Variants in CNTNAP2 observed in about 807,000 individuals in gnomAD.
The protein encoded by CNTNAP2 is contactin-associated protein-like 2.
CNTNAP2 carries 98 observed loss-of-function variants against 155.2 expected under a neutral mutation model. The observed-to-expected ratio is 0.63, with a 90% CI of 0.54 to 0.75. The LOEUF (loss-of-function observed/expected upper bound fraction) is 0.75, where lower values mean the gene tolerates loss of function less well. Ranked by LOEUF, CNTNAP2 falls within the 30% of genes least tolerant of loss-of-function variation. The pLI, the probability that CNTNAP2 is intolerant of heterozygous loss-of-function variation, is 0.00. For synonymous variants in CNTNAP2, 651 were observed against 631.2 expected (o/e 1.03, Z -0.47); for missense variants, 1,727 against 1,688.1 (o/e 1.02, Z -0.40).
intron 13 of CNTNAP2, among the ~76,000 whole-genome samples, chr7:147,832,064 G>A (rs1783796095): frequency 6.7e-6 from 1 of 149,838 alleles, no homozygotes; most frequent in Admixed American, 6.7e-5. Context: ...ATCTCTTGAT[G>A]GCATAGAAAT....
At chr7:147,460,810 G>C (rs898235854) in intron 10 of CNTNAP2, among the ~76,000 whole-genome samples, 3 of 152,230 alleles carry the variant, frequency 2.0e-5, no homozygotes, top group African/African-American at 7.2e-5. Flanking sequence ...TGATGCAGCT[G>C]TCAGTGACAT....
At position 147,544,563 on chromosome 7, in the gene CNTNAP2, C is replaced by T. The variant is rs766592925; in HGVS notation, c.1778-17575C>T. ...TAAAAAAAAAATGCAAGTCCTCTTT[C>T]CAGGGCCACAGCATGACTTTCATGG... On this transcript the variant is annotated intron_variant, in intron 11 of 23. Coordinates refer to ENST00000361727, the MANE Select transcript of CNTNAP2 (RefSeq NM_014141.6). 3.2e-4 allele frequency among the ~76,000 whole-genome samples: 49 copies of T among 152,192 alleles called. 1 individual carries two copies. The highest frequency in any genetic ancestry group is 2.7e-3 in the Admixed American group (41 of 15,276).
At chr7:148,281,835 C>T (rs1443080995) in intron 21 of CNTNAP2, among the ~76,000 whole-genome samples, 7 of 123,472 alleles carry the variant, frequency 5.7e-5, no homozygotes, top group Admixed American at 9.5e-5. Context: ...ACAACGTTTC[C>T]TTTTTTTTTT....
At chr7:147,579,131 G>A (rs1482319997) in intron 12 of CNTNAP2, among the ~76,000 whole-genome samples, 1 of 151,994 alleles carries the variant, frequency 6.6e-6, no homozygotes, top group Non-Finnish European at 1.5e-5. Context: ...TAAATGTAAT[G>A]AACTGTGTGG....
rs145155031 is a variant in CNTNAP2 at position 148,358,898 on chromosome 7, C to T, written c.3476-24751C>T. 2.0e-3 allele frequency among the ~76,000 whole-genome samples: 298 copies of T among 152,202 alleles called. 1 individual carries two copies. Among genetic ancestry groups the T allele is most frequent in the African/African-American group, 7.0e-3 (290 of 41,526 alleles). The stretch of plus-strand genomic sequence containing the variant: ...AAATGTGCACTTAAGACATCAGTTA[C>T]TTTTTTTTCCTGTGTGATTGGTGAG... On this transcript the variant is annotated intron_variant, in intron 21 of 23. Transcript: ENST00000361727.
chr7:147,548,709 A>G (rs931267558), intron 11 of CNTNAP2, among the ~76,000 whole-genome samples: 8 of 152,148 alleles, frequency 5.3e-5, no homozygotes, highest in Non-Finnish European at 1.0e-4. Flanking sequence ...GGTATTGCAT[A>G]GGTTTTCTTC....
At chr7:146,161,909 G>A (rs1196772497) in intron 1 of CNTNAP2, among the ~76,000 whole-genome samples, 1 of 152,100 alleles carries the variant, frequency 6.6e-6, no homozygotes, top group African/African-American at 2.4e-5. Flanking sequence ...CGAGAAATGG[G>A]GAAAGGATTC....
At chr7:146,571,195 A>G (rs1443134798) in intron 1 of CNTNAP2, among the ~76,000 whole-genome samples, 4 of 152,118 alleles carry the variant, frequency 2.6e-5, no homozygotes, top group African/African-American at 4.8e-5. Flanking sequence ...TTCATGGTGT[A>G]CTCAAAATAA....
chr7:146,176,228 A>C (rs1798467959), intron 1 of CNTNAP2, among the ~76,000 whole-genome samples: 1 of 152,212 alleles, frequency 6.6e-6, no homozygotes, highest in Non-Finnish European at 1.5e-5. Flanking sequence ...TCTGATTTCA[A>C]ACTTCTAAGT....
At chr7:148,176,542 C>A (rs942041940) in intron 18 of CNTNAP2, among the ~76,000 whole-genome samples, 1 of 152,060 alleles carries the variant, frequency 6.6e-6, no homozygotes, top group African/African-American at 2.4e-5. Flanking sequence ...CAAAGAGATG[C>A]CTAAAGATTT....
intron 13 of CNTNAP2, among the ~76,000 whole-genome samples, chr7:147,879,168 A>T (rs963411660): frequency 1.3e-5 from 2 of 152,198 alleles, no homozygotes; most frequent in Non-Finnish European, 2.9e-5. Context: ...TAGCAAATTG[A>T]TACACAGGGG....
At chr7:147,836,377 C>T (rs552680599) in intron 13 of CNTNAP2, among the ~76,000 whole-genome samples, 1 of 152,160 alleles carries the variant, frequency 6.6e-6, no homozygotes, top group East Asian at 1.9e-4. Context: ...CACTGGTCTT[C>T]TCTTTGGTTC....
intron 3 of CNTNAP2, among the ~76,000 whole-genome samples, chr7:146,842,034 C>G (rs559635778): frequency 8.2e-6 from 1 of 121,600 alleles, no homozygotes; most frequent in Non-Finnish European, 1.7e-5. Context: ...AGGCATCCAC[C>G]ACCATGCCTG....
chr7:147,100,325 A>G (rs1233019059), intron 4 of CNTNAP2, among the ~76,000 whole-genome samples: 1 of 152,210 alleles, frequency 6.6e-6, no homozygotes, highest in Admixed American at 6.5e-5. Flanking sequence ...ATGGTTTATC[A>G]TATATACATT....
At chr7:147,139,052 G>A (rs974071932) in intron 8 of CNTNAP2, among the ~76,000 whole-genome samples, 6 of 151,950 alleles carry the variant, frequency 3.9e-5, no homozygotes, top group African/African-American at 1.4e-4. Context: ...ACATAGCCCA[G>A]GAACTCCAAA....
At chr7:146,194,063 T>G (rs1798743953) in intron 1 of CNTNAP2, among the ~76,000 whole-genome samples, 1 of 152,210 alleles carries the variant, frequency 6.6e-6, no homozygotes, top group Non-Finnish European at 1.5e-5. Flanking sequence ...ACTATCCGCA[T>G]TTTGGTCACA....
Position 147,395,602 on chromosome 7 carries a change from T to A in CNTNAP2, c.1499-7T>A. 1 of 1,611,456 alleles carries A rather than the reference T, an allele frequency of 6.2e-7. No individual in the cohort carries two copies. Among genetic ancestry groups the A allele is most frequent in the African/African-American group, 1.3e-5 (1 of 74,918 alleles). ...AGATTTACATTCCCATTTCTTCTGT[T>A]TCACAGGTTTTCTGAACCAGATGAA... On this transcript the variant is annotated splice_region_variant and splice_polypyrimidine_tract_variant and intron_variant, in intron 9 of 23. Transcript: ENST00000361727.
chr7:147,265,696 G>A (rs772377898), intron 8 of CNTNAP2, among the ~76,000 whole-genome samples: 8 of 152,122 alleles, frequency 5.3e-5, no homozygotes, highest in African/African-American at 9.7e-5. Context: ...ATCCCGTGCC[G>A]CCCTGACTGG....
chr7:147,458,006 C>T (rs898949871), intron 10 of CNTNAP2, among the ~76,000 whole-genome samples: 24 of 152,180 alleles, frequency 1.6e-4, no homozygotes, highest in African/African-American at 5.8e-4. Flanking sequence ...ATTTGTTAAG[C>T]TTCAAAGCAC....
Sources: allele counts gnomAD v4.1 joint callset (sites outside exome capture counted in the v4.1 genomes callset), GRCh38; gene constraint gnomAD v4.1.1; transcripts MANE v1.5; gene names NCBI Gene and HGNC (gene_info 2026-07-23, HGNC 2026-07-21).